The following ANKRD12 variants were observed in gnomAD, a reference collection of about 807,000 sequenced individuals.
ANKRD12 encodes the protein ankyrin repeat domain 12, also known as ankyrin repeat domain-containing protein 12.
Under a neutral mutation model 183.4 loss-of-function variants are expected in ANKRD12, and 85 were observed. The ratio of observed to expected loss-of-function variants is 0.46; its 90% confidence interval spans 0.39 to 0.56. The LOEUF (loss-of-function observed/expected upper bound fraction) is 0.56, where lower values mean the gene tolerates loss of function less well. Among genes scored for constraint, ANKRD12 ranks in the 20% least tolerant of loss-of-function variants. ANKRD12 has a pLI of 0.00. For synonymous variants in ANKRD12, 914 were observed against 800.2 expected, an observed-to-expected ratio of 1.14 and a Z score of -2.40; for missense variants, 2,405 against 2,357.1, an observed-to-expected ratio of 1.02 and a Z score of -0.42.
intron 1 of ANKRD12, among the ~76,000 whole-genome samples, chr18:9,154,586 T>C (rs2030111469): frequency 6.6e-6 from 1 of 152,162 alleles, no homozygotes; most frequent in South Asian, 2.1e-4. Context: ...ACACTCTGGC[T>C]ACTGCCTGTA....
intron 10 of ANKRD12, among the ~76,000 whole-genome samples, chr18:9,271,160 C>G (rs1387086844): frequency 6.6e-6 from 1 of 152,162 alleles, no homozygotes; most frequent in Non-Finnish European, 1.5e-5. Flanking sequence ...CAGCCTCAAC[C>G]TTCCAGGCTC....
rs766241652 is a variant in ANKRD12, at chr18:9,285,526, A to G, written c.*4400A>G. On this transcript the variant is annotated 3_prime_UTR_variant, in exon 13 of 13. Transcript: ENST00000262126. ...GCACTCATCACTCAAGAGAATATCA[A>G]TAACTTTCTCAGTTTTTTTTCATTG... is the stretch of plus-strand genomic sequence containing the variant. 14 of 152,110 alleles carry G rather than the reference A, an allele frequency of 9.2e-5. No homozygotes were observed. The highest frequency in any genetic ancestry group is 1.4e-4 in the African/African-American group (6 of 41,442). The allele number at this position is 152,110 out of a possible 1,614,324, so 9.4% of individuals were successfully genotyped here.
intron 1 of ANKRD12, among the ~76,000 whole-genome samples, chr18:9,157,762 A>G (rs1438702216): frequency 6.6e-6 from 1 of 151,932 alleles, no homozygotes; most frequent in Non-Finnish European, 1.5e-5. Context: ...AAAATATGCA[A>G]CAAAAATGAC....
Position 9,258,023 on chromosome 18 carries a change from C to G in ANKRD12, c.4756C>G (p.Pro1586Ala). Residue 1586 changes from proline (P) to alanine (A), a missense_variant, in exon 9 of 13, where the codon CCA becomes GCA. Around this residue, in one of 7 missense-constraint regions of ANKRD12, gnomAD observed 1,983 missense variants for 1,725.9 expected, o/e 1.15. Transcript: ENST00000262126. ...FEKAYTLPVL[P>A]SEKDFNGSDA... ...GAAAGCTTATACTTTACCTGTGTTA[C>G]CATCAGAAAAGGACTTTAATGGAAG... 5 of 1,613,690 alleles carry G rather than the reference C, an allele frequency of 3.1e-6. No individual in the cohort carries two copies. The highest frequency in any genetic ancestry group is 4.2e-6 in the Non-Finnish European group (5 of 1,179,946).
Position 9,285,409 on chromosome 18 carries a change from A to C in ANKRD12, c.*4283A>C, listed in dbSNP as rs1329182846. The C allele has an allele frequency of 1.4e-5, 2 of 147,056 alleles. No homozygotes were observed. The highest frequency in any genetic ancestry group is 4.0e-4 in the East Asian group (2 of 4,996). 9.1% of individuals were successfully genotyped at this position (147,056 alleles called of 1,614,324 possible). A position where few individuals can be genotyped will look rare whatever the true frequency, so the allele number is the denominator to read the frequency against. On this transcript the variant is annotated 3_prime_UTR_variant, in exon 13 of 13. Transcript: ENST00000262126. ...CCACTGCACCCCAGCCTGGGCAACA[A>C]GAGTGAAACTCTGTCTCCAAAAAAA... is the stretch of plus-strand genomic sequence containing the variant.
intron 3 of ANKRD12, 42 bp from the exon 4 acceptor site, chr18:9,204,434 C>G (rs745739761): frequency 7.2e-7 from 1 of 1,394,520 alleles, no homozygotes; most frequent in Non-Finnish European, 1.0e-6. Context: ...CATTTCCCTC[C>G]GTGTGCTTTT....
intron 11 of ANKRD12, among the ~76,000 whole-genome samples, chr18:9,277,465 C>T (rs1406669828): frequency 6.6e-6 from 1 of 151,220 alleles, no homozygotes; most frequent in Non-Finnish European, 1.5e-5. Flanking sequence ...GTAGCTGGGA[C>T]TACAGGCGCC....
At position 9,257,290 on chromosome 18, in the gene ANKRD12, T is replaced by TACTA; in HGVS notation, c.4024_4027dup (p.Ser1343AsnfsTer2). 6.2e-7 allele frequency: 1 copy of TACTA among 1,614,172 alleles called. No individual in the cohort carries two copies. Among genetic ancestry groups the TACTA allele is most frequent in the Non-Finnish European group, 8.5e-7 (1 of 1,180,000 alleles). On this transcript the variant is annotated frameshift_variant, in exon 9 of 13. Transcript: ENST00000262126. LOFTEE classifies it high-confidence loss of function. ...GTAGCTTATTAACTGTGCCAGGAGA[T>TACTA]ACTAGTCCTTCTCCCAAACCTGAGG...
chr18:9,157,778 C>T (rs1351160403), intron 1 of ANKRD12, among the ~76,000 whole-genome samples: 1 of 151,544 alleles, frequency 6.6e-6, no homozygotes, highest in Non-Finnish European at 1.5e-5. Context: ...ATGACAGCAT[C>T]GGTTTTCCTC....
intron 1 of ANKRD12, among the ~76,000 whole-genome samples, chr18:9,174,562 T>C (rs1473356582): frequency 1.3e-5 from 2 of 152,106 alleles, no homozygotes; most frequent in Non-Finnish European, 2.9e-5. Flanking sequence ...GTTTCCTGAG[T>C]GGGGTTACAC....
intron 3 of ANKRD12, among the ~76,000 whole-genome samples, chr18:9,195,918 G>A (rs1382843628): frequency 6.6e-6 from 1 of 151,948 alleles, no homozygotes; most frequent in East Asian, 1.9e-4. Flanking sequence ...CTCTTTGAAT[G>A]TTTATTGTGA....
intron 5 of ANKRD12, 65 bp downstream of exon 5, chr18:9,208,868 C>A: frequency 7.3e-7 from 1 of 1,362,180 alleles, no homozygotes; most frequent in Middle Eastern, 1.9e-4. Flanking sequence ...GTAGTCTCGT[C>A]TTAACAATTA....
In ANKRD12 at chr18:9,214,380, A is replaced by G. The variant is rs193004544; in HGVS notation, c.653-2378A>G. 1.1e-4 allele frequency among the ~76,000 whole-genome samples: 16 copies of G among 152,194 alleles called. No homozygotes were observed. The East Asian group carries it at 2.5e-3, about 24-fold the overall frequency. ...CTGCATAAAATTTACTGTAGTACATATTATACTCCTGTAATAATTGCATAG... is the reference window on the plus strand; with the variant it reads ...CTGCATAAAATTTACTGTAGTACATGTTATACTCCTGTAATAATTGCATAG... On this transcript the variant is annotated intron_variant, in intron 6 of 12. Coordinates refer to ENST00000262126, the MANE Select transcript of ANKRD12 (RefSeq NM_015208.5).
intron 1 of ANKRD12, among the ~76,000 whole-genome samples, chr18:9,146,976 C>T (rs2078513441): frequency 6.6e-6 from 1 of 152,134 alleles, no homozygotes; most frequent in Non-Finnish European, 1.5e-5. Flanking sequence ...AGTGTTATTA[C>T]CCGTCATATT....
At chr18:9,157,554 T>G (rs1041803773) in intron 1 of ANKRD12, among the ~76,000 whole-genome samples, 9 of 88,644 alleles carry the variant, frequency 1.0e-4, no homozygotes, top group Admixed American at 3.4e-4. Context: ...TGTGTGGGTG[T>G]GTGTGTGTGT....
chr18:9,260,419 A>G (rs2038896642), intron 9 of ANKRD12: 1 of 152,214 alleles, frequency 6.6e-6, no homozygotes, highest in African/African-American at 2.4e-5. Flanking sequence ...TTTTCCTTCC[A>G]GTACTTTAAT....
Position 9,258,147 on chromosome 18 carries a change from A to G in ANKRD12, c.4880A>G (p.Gln1627Arg), listed in dbSNP as rs2038751696. The change falls in exon 9 of 13, where the codon CAG becomes CGG. Residue 1627 changes from glutamine to arginine, a missense_variant. By Grantham distance (43) the Gln-to-Arg change is conservative (BLOSUM62 1). Around this residue, in one of 7 missense-constraint regions of ANKRD12, gnomAD observed 1,983 missense variants for 1,725.9 expected, o/e 1.15. Coordinates refer to ENST00000262126, the MANE Select transcript of ANKRD12 (RefSeq NM_015208.5). ...HEVENSTTDT[Q>R]VISHEKENKL... The stretch of plus-strand genomic sequence containing the variant: ...GTTGAGAATAGCACAACTGATACTC[A>G]GGTCATTTCACATGAAAAAGAAAAC... 1.2e-6 allele frequency: 2 copies of G among 1,613,724 alleles called. No homozygotes were observed. Among genetic ancestry groups the G allele is most frequent in the African/African-American group, 1.3e-5 (1 of 74,934 alleles).
At chr18:9,143,002 C>A (rs780296489) in intron 1 of ANKRD12, among the ~76,000 whole-genome samples, 1 of 152,158 alleles carries the variant, frequency 6.6e-6, no homozygotes, top group African/African-American at 2.4e-5. Flanking sequence ...AGGAATAAAG[C>A]CTTGGCTTGC....
At chr18:9,188,426 C>T (rs1051136912) in intron 2 of ANKRD12, among the ~76,000 whole-genome samples, 1 of 152,088 alleles carries the variant, frequency 6.6e-6, no homozygotes, top group African/African-American at 2.4e-5. Context: ...AAAAGATAGT[C>T]CAGGACAAAG....
Sources: allele counts gnomAD v4.1 joint callset (sites outside exome capture counted in the v4.1 genomes callset), GRCh38; gene constraint gnomAD v4.1.1; regional missense constraint gnomAD v4.1.1; transcripts MANE v1.5; gene names NCBI Gene and HGNC (gene_info 2026-07-23, HGNC 2026-07-21).